The following HMGA2 variants were observed in gnomAD, a reference collection of about 807,000 sequenced individuals.
HMGA2 encodes the protein high mobility group protein HMGI-C.
In HMGA2, 8 loss-of-function variants were observed where a neutral mutation model predicts 19.1. The ratio of observed to expected loss-of-function variants is 0.42; its 90% CI spans 0.25 to 0.76. The LOEUF is 0.76. HMGA2 is among the 30% of genes least tolerant of loss of function. The pLI is 0.28. For synonymous variants in HMGA2, 60 were observed against 48.8 expected (o/e 1.23, Z -0.96); for missense variants, 109 against 136.3 (o/e 0.80, Z 1.00).
chr12:65,943,350 C>T (rs1377627365), intron 3 of HMGA2, among the ~76,000 whole-genome samples: 2 of 152,096 alleles, frequency 1.3e-5, no homozygotes, highest in Non-Finnish European at 1.5e-5. Flanking sequence ...GTCTGAAAGG[C>T]ACCAGAGGGA....
intron 3 of HMGA2, among the ~76,000 whole-genome samples, chr12:65,906,635 C>T (rs2083174042): frequency 6.6e-6 from 1 of 152,056 alleles, no homozygotes; most frequent in Admixed American, 6.5e-5. Flanking sequence ...ATAGAATACT[C>T]TTGGGGATAT....
Position 65,907,831 on chromosome 12 carries a change from A to G in HMGA2, c.250-43552A>G, listed in dbSNP as rs545611966. 3.4e-4 allele frequency among the ~76,000 whole-genome samples: 52 copies of G among 152,222 alleles called. No individual in the cohort carries two copies. The South Asian group carries it at 8.5e-3, about 25-fold the overall frequency. ...AGCTGCACTGGATAGTAATGATGTAATTGGGTTTCCAACATAATTTCCAGT... is the reference window on the plus strand; with the variant it reads ...AGCTGCACTGGATAGTAATGATGTAGTTGGGTTTCCAACATAATTTCCAGT... On this transcript the variant is annotated intron_variant, in intron 3 of 4. Coordinates refer to ENST00000403681, the MANE Select transcript of HMGA2 (RefSeq NM_003483.6).
chr12:65,962,952 C>T (rs1456832390), intron 4 of HMGA2, among the ~76,000 whole-genome samples: 1 of 152,024 alleles, frequency 6.6e-6, no homozygotes, highest in Non-Finnish European at 1.5e-5. Flanking sequence ...GGTGAGTAAG[C>T]GTGCATTGCC....
intron 3 of HMGA2, among the ~76,000 whole-genome samples, chr12:65,921,542 C>T (rs1257563246): frequency 6.6e-6 from 1 of 152,140 alleles, no homozygotes. Context: ...CCACTGCGCC[C>T]GGCAGGCATT....
intron 3 of HMGA2, among the ~76,000 whole-genome samples, chr12:65,868,753 A>T (rs1872563625): frequency 6.6e-6 from 1 of 152,050 alleles, no homozygotes; most frequent in Non-Finnish European, 1.5e-5. Context: ...TTTCATTTAA[A>T]CTCTCACTAG....
intron 3 of HMGA2, among the ~76,000 whole-genome samples, chr12:65,854,886 T>C (rs1281627657): frequency 6.6e-6 from 1 of 152,230 alleles, no homozygotes; most frequent in Non-Finnish European, 1.5e-5. Context: ...TGTCTTTGGC[T>C]GTGCAGTTAC....
intron 4 of HMGA2, chr12:65,952,298 C>T (rs1276208111): frequency 8.5e-7 from 1 of 1,176,788 alleles, no homozygotes; most frequent in African/African-American, 1.5e-5. Flanking sequence ...TTTAAGTATC[C>T]ATGAAATTTT....
intron 3 of HMGA2, among the ~76,000 whole-genome samples, chr12:65,862,754 T>G (rs938432459): frequency 6.6e-5 from 10 of 152,144 alleles, no homozygotes; most frequent in Non-Finnish European, 1.0e-4. Flanking sequence ...GCTGAGCTGA[T>G]GGAGCCATGG....
In HMGA2 at chr12:65,902,540, T is replaced by C. The variant is rs139300488; in HGVS notation, c.250-48843T>C. On this transcript the variant is annotated intron_variant, in intron 3 of 4. Transcript: ENST00000403681. ...GAAAACAACCAAAAATTATATTCCT[T>C]TAAATTACTGGACACACACTGAGCC... 2.1e-3 allele frequency among the ~76,000 whole-genome samples: 318 copies of C among 152,264 alleles called. 6 individuals carry two copies. The highest frequency in any genetic ancestry group is 1.4e-3 in the Non-Finnish European group (92 of 68,016).
At chr12:65,945,686 C>T (rs913332699) in intron 3 of HMGA2, among the ~76,000 whole-genome samples, 3 of 151,980 alleles carry the variant, frequency 2.0e-5, no homozygotes, top group Non-Finnish European at 4.4e-5. Context: ...TGGTTCATGG[C>T]CATTTGGAGT....
intron 3 of HMGA2, among the ~76,000 whole-genome samples, chr12:65,933,883 A>G (rs1254858511): frequency 6.6e-6 from 1 of 152,216 alleles, no homozygotes. Flanking sequence ...AATAGAGTGA[A>G]GAAAGCAATG....
In HMGA2 at chr12:65,893,331, G is replaced by C. The variant is rs571988812; in HGVS notation, c.249+54762G>C. Among the ~76,000 whole-genome samples the C allele has an allele frequency of 1.7e-3, 258 of 152,226 alleles. 1 individual carries two copies. The highest frequency in any genetic ancestry group is 5.8e-3 in the African/African-American group (242 of 41,518). The stretch of plus-strand genomic sequence containing the variant: ...TTCATGACAAGATATGCCATGACAG[G>C]GTACTCCAGAATTCAACAAGGCCAA... On this transcript the variant is annotated intron_variant, in intron 3 of 4. Transcript: ENST00000403681.
At chr12:65,856,191 A>G (rs893527165) in intron 3 of HMGA2, 4 of 152,218 alleles carry the variant, frequency 2.6e-5, no homozygotes, top group Admixed American at 2.6e-4. Flanking sequence ...GGCAAATGGA[A>G]GACTGCAGTT....
At chr12:65,897,251 G>A (rs1592429563) in intron 3 of HMGA2, among the ~76,000 whole-genome samples, 1 of 152,080 alleles carries the variant, frequency 6.6e-6, no homozygotes, top group East Asian at 1.9e-4. Flanking sequence ...TACACTCTTA[G>A]TTATTTTTTA....
rs114467949 is a variant in HMGA2, at chr12:65,861,089, C to G, written c.249+22520C>G. On this transcript the variant is annotated intron_variant, in intron 3 of 4. Coordinates refer to ENST00000403681, the MANE Select transcript of HMGA2 (RefSeq NM_003483.6). ...TGATTTTAAAAAAGATAATTTAGGC[C>G]AGGTGTGGTGGCTCATGCCTATAAT... Among the ~76,000 whole-genome samples the G allele has an allele frequency of 9.6e-3, 1,459 of 152,236 alleles. 24 individuals are homozygous for G. Among genetic ancestry groups the G allele is most frequent in the African/African-American group, 0.034 (1,402 of 41,526 alleles).
At chr12:65,828,308 T>TA in intron 2 of HMGA2, 1 of 249,618 alleles carries the variant, frequency 4.0e-6, no homozygotes, top group Non-Finnish European at 7.5e-6. Flanking sequence ...GTGTTGTTTT[T>TA]AAACAAACAG....
intron 3 of HMGA2, chr12:65,866,812 C>T: frequency 2.2e-6 from 1 of 457,264 alleles, no homozygotes; most frequent in Non-Finnish European, 4.4e-6. Context: ...ACCTGAGATG[C>T]AGCTGACATG....
intron 3 of HMGA2, among the ~76,000 whole-genome samples, chr12:65,887,550 A>G (rs538445448): frequency 2.0e-5 from 3 of 152,136 alleles, no homozygotes; most frequent in Non-Finnish European, 4.4e-5. Context: ...GTGAAACTCC[A>G]TCTCTACTAA....
At chr12:65,939,362 T>G (rs983451513) in intron 3 of HMGA2, among the ~76,000 whole-genome samples, 1 of 151,654 alleles carries the variant, frequency 6.6e-6, no homozygotes, top group Non-Finnish European at 1.5e-5. Context: ...CAAGCTTTTT[T>G]TTTTTCTTTT....
Sources: gnomAD v4.1 joint callset for allele counts (sites outside exome capture counted in the v4.1 genomes callset) on GRCh38, gnomAD v4.1.1 for gene constraint, MANE v1.5 for transcripts, NCBI Gene and HGNC (gene_info 2026-07-23, HGNC 2026-07-21) for gene names.